The following SPATA6L variants were observed in gnomAD, a reference collection of about 807,000 sequenced individuals.
SPATA6L encodes spermatogenesis associated 6 like.
In SPATA6L, 68 loss-of-function variants were observed where a neutral mutation model predicts 49.2. The observed-to-expected ratio is 1.38, with a 90% CI of 1.14 to 1.69. The LOEUF (loss-of-function observed/expected upper bound fraction) is 1.69, where lower values mean the gene tolerates loss of function less well. Ranked by LOEUF, SPATA6L falls within the 40% of genes most tolerant of loss-of-function variation. The pLI is 0.00. For missense variants in SPATA6L, 668 were observed against 464.3 expected (o/e 1.44, Z -4.03); for synonymous variants, 198 against 165.7 (o/e 1.19, Z -1.50).
At chr9:4,665,857 G>A (rs935906497) in intron 1 of SPATA6L, among the ~76,000 whole-genome samples, 1 of 152,104 alleles carries the variant, frequency 6.6e-6, no homozygotes, top group African/African-American at 2.4e-5. Context: ...TTATTCCCTG[G>A]TTATTTAAAG....
intron 5 of SPATA6L, chr9:4,626,168 A>G (rs1311304846): frequency 2.4e-5 from 5 of 206,194 alleles, no homozygotes; most frequent in Admixed American, 2.1e-4. Flanking sequence ...CCAGTTTTGC[A>G]TTCTATTCCT....
intron 4 of SPATA6L, among the ~76,000 whole-genome samples, chr9:4,629,833 G>A (rs543387797): frequency 7.2e-6 from 1 of 138,592 alleles, no homozygotes; most frequent in Non-Finnish European, 1.5e-5. Flanking sequence ...ATCCTATAGG[G>A]TAGGTACAAT....
chr9:4,650,431 C>T (rs982738484), intron 3 of SPATA6L, among the ~76,000 whole-genome samples: 1 of 151,878 alleles, frequency 6.6e-6, no homozygotes, highest in Non-Finnish European at 1.5e-5. Flanking sequence ...GCAAACTAAA[C>T]CTAAAGCAAA....
Position 4,605,455 on chromosome 9 carries a change from G to A in SPATA6L, c.996-15C>T. On this transcript the variant is annotated splice_polypyrimidine_tract_variant and intron_variant, in intron 9 of 11. Transcript: ENST00000682582. ...CAGGATGGAACCTGCTCAACAGATG[G>A]AACAGGGTGGAATATTAAGCAGCTA... The A allele has an allele frequency of 6.3e-7, 1 of 1,589,054 alleles. No homozygotes were observed. The highest frequency in any genetic ancestry group is 8.6e-7 in the Non-Finnish European group (1 of 1,157,108).
chr9:4,617,095 T>A (rs1467703693), intron 9 of SPATA6L, among the ~76,000 whole-genome samples: 1 of 152,200 alleles, frequency 6.6e-6, no homozygotes, highest in East Asian at 1.9e-4. Flanking sequence ...AAAGTTAATA[T>A]AATTCCTGTA....
intron 3 of SPATA6L, among the ~76,000 whole-genome samples, chr9:4,644,182 G>GAA (rs1834717883): frequency 4.0e-5 from 2 of 49,394 alleles, no homozygotes; most frequent in Non-Finnish European, 6.7e-5. Context: ...TGCCATCTCT[G>GAA]CAAAAAAAAA....
At chr9:4,644,720 C>A (rs1158930135) in intron 3 of SPATA6L, among the ~76,000 whole-genome samples, 1 of 147,940 alleles carries the variant, frequency 6.8e-6, no homozygotes, top group Non-Finnish European at 1.5e-5. Context: ...CACACACACA[C>A]ACACTTCTAT....
chr9:4,596,435 T>C (rs1014448996), downstream of SPATA6L: 2 of 152,176 alleles, frequency 1.3e-5, no homozygotes, highest in Non-Finnish European at 2.9e-5. Context: ...TAACACCTAC[T>C]GCCACTGCCT....
rs41279555 is a variant in SPATA6L, at chr9:4,663,679, C to T, written c.40-1643G>A. On this transcript the variant is annotated intron_variant, in intron 1 of 11. Transcript: ENST00000682582. ...GATGTTCATTCTGTAAATATACATG[C>T]AGACAGGTCATGTACTAATCCTAGT... The T allele has an allele frequency of 9.4e-3, 1,793 of 191,104 alleles. 10 individuals are homozygous for T. Among genetic ancestry groups the T allele is most frequent in the Non-Finnish European group, 0.014 (1,140 of 82,136 alleles). The allele number at this position is 191,104 out of a possible 1,614,324, so 11.8% of individuals were successfully genotyped here.
chr9:4,609,212 G>A (rs1218562128), intron 9 of SPATA6L, among the ~76,000 whole-genome samples: 1 of 151,384 alleles, frequency 6.6e-6, no homozygotes, highest in East Asian at 1.9e-4. Context: ...AATTCTACCA[G>A]AGGTACAAGG....
At chr9:4,653,663 C>T (rs1837429293) in intron 3 of SPATA6L, among the ~76,000 whole-genome samples, 1 of 152,170 alleles carries the variant, frequency 6.6e-6, no homozygotes, top group Non-Finnish European at 1.5e-5. Flanking sequence ...GGCACAGCGG[C>T]TCATGTCTGT....
intron 3 of SPATA6L, among the ~76,000 whole-genome samples, chr9:4,650,201 C>T (rs1199233077): frequency 6.6e-6 from 1 of 152,166 alleles, no homozygotes; most frequent in East Asian, 1.9e-4. Flanking sequence ...CAGCCTGAGA[C>T]CTAGCCTGCT....
At chr9:4,595,727 A>T (rs1380786382), downstream of SPATA6L, among the ~76,000 whole-genome samples, 1 of 152,206 alleles carries the variant, frequency 6.6e-6, no homozygotes, top group Non-Finnish European at 1.5e-5. Flanking sequence ...CCTGAAACAT[A>T]CAGAAGCAAC....
rs1055156090 is a variant in SPATA6L at position 4,624,113 on chromosome 9, T to A, written c.669+1214A>T. The stretch of plus-strand genomic sequence containing the variant: ...AAGCATCACCACTGATGACTTTAAA[T>A]CAAAATATCAACTTAATGATACTAT... On this transcript the variant is annotated intron_variant, in intron 6 of 11. Transcript: ENST00000682582. 3.9e-5 allele frequency among the ~76,000 whole-genome samples: 6 copies of A among 152,282 alleles called. No homozygotes were observed. The East Asian group carries it at 1.2e-3, about 29-fold the overall frequency.
At chr9:4,624,409 A>C (rs1370615430) in intron 6 of SPATA6L, among the ~76,000 whole-genome samples, 1 of 152,188 alleles carries the variant, frequency 6.6e-6, no homozygotes, top group Non-Finnish European at 1.5e-5. Context: ...GAACTTTTCT[A>C]TGTTTTCCAT....
At chr9:4,638,354 G>C (rs1309728800) in intron 3 of SPATA6L, among the ~76,000 whole-genome samples, 2 of 152,038 alleles carry the variant, frequency 1.3e-5, no homozygotes, top group Non-Finnish European at 2.9e-5. Context: ...TGGGACTAGA[G>C]GCACCCCGCC....
At chr9:4,635,226 C>A (rs142399380) in intron 4 of SPATA6L, 49 bp downstream of exon 4, 4 of 1,462,166 alleles carry the variant, frequency 2.7e-6, no homozygotes, top group South Asian at 1.6e-5. Flanking sequence ...CGTTCAGGTC[C>A]CAAGAGTTTC....
At chr9:4,609,873 A>C (rs1255681379) in intron 9 of SPATA6L, among the ~76,000 whole-genome samples, 1 of 152,202 alleles carries the variant, frequency 6.6e-6, no homozygotes, top group Non-Finnish European at 1.5e-5. Context: ...TTTGCAGACG[A>C]CATGATTGTG....
chr9:4,665,540 G>C (rs1840731466), intron 1 of SPATA6L, among the ~76,000 whole-genome samples: 1 of 152,212 alleles, frequency 6.6e-6, no homozygotes, highest in Non-Finnish European at 1.5e-5. Context: ...CACTGTGCTT[G>C]TAATCATAGC....
Sources: allele counts gnomAD v4.1 joint callset (sites outside exome capture counted in the v4.1 genomes callset), GRCh38; gene constraint gnomAD v4.1.1; transcripts MANE v1.5; gene names NCBI Gene and HGNC (gene_info 2026-07-23, HGNC 2026-07-21).